Variants in FBXL7 observed in about 807,000 individuals in gnomAD.
FBXL7 encodes F-box/LRR-repeat protein 7.
In FBXL7, 12 loss-of-function variants were observed where a neutral mutation model predicts 38.3. The observed-to-expected ratio is 0.31, with a 90% CI of 0.20 to 0.51. The LOEUF (loss-of-function observed/expected upper bound fraction) is 0.51, where lower values mean the gene tolerates loss of function less well. FBXL7 is among the 20% of genes least tolerant of loss of function. FBXL7 has a pLI of 0.98. For synonymous variants in FBXL7, 297 were observed against 300.9 expected (o/e 0.99, Z 0.13); for missense variants, 567 against 676.4 (o/e 0.84, Z 1.79).
At chr5:15,523,019 G>A (rs1737144192) in intron 1 of FBXL7, among the ~76,000 whole-genome samples, 1 of 152,180 alleles carries the variant, frequency 6.6e-6, no homozygotes, top group Non-Finnish European at 1.5e-5. Context: ...ATGTGTAAAT[G>A]AAATTTAACT....
At chr5:15,731,552 A>C (rs955976202) in intron 2 of FBXL7, among the ~76,000 whole-genome samples, 3 of 152,142 alleles carry the variant, frequency 2.0e-5, no homozygotes, top group African/African-American at 7.2e-5. Flanking sequence ...AAACCATATC[A>C]AGGGGAAGAA....
chr5:15,563,367 A>G (rs1738472142), intron 1 of FBXL7, among the ~76,000 whole-genome samples: 1 of 152,110 alleles, frequency 6.6e-6, no homozygotes, highest in Non-Finnish European at 1.5e-5. Flanking sequence ...TTGACCTTGC[A>G]TGGAAAGCAG....
At chr5:15,927,500 G>A (rs978723328) in intron 2 of FBXL7, among the ~76,000 whole-genome samples, 3 of 152,100 alleles carry the variant, frequency 2.0e-5, no homozygotes, top group Middle Eastern at 3.2e-3. Context: ...GGCCGGGCAC[G>A]CTGGCTCACA....
chr5:15,594,364 C>T (rs1399529103), intron 1 of FBXL7, among the ~76,000 whole-genome samples: 1 of 152,206 alleles, frequency 6.6e-6, no homozygotes, highest in Admixed American at 6.5e-5. Context: ...TGTATCTGTT[C>T]TGATCTTGGG....
At chr5:15,693,699 C>T (rs920674722) in intron 2 of FBXL7, among the ~76,000 whole-genome samples, 2 of 152,142 alleles carry the variant, frequency 1.3e-5, no homozygotes, top group Non-Finnish European at 2.9e-5. Flanking sequence ...AACACACTGG[C>T]AGAAGAACAC....
chr5:15,831,048 T>A (rs753344295), intron 2 of FBXL7, among the ~76,000 whole-genome samples: 7 of 152,200 alleles, frequency 4.6e-5, no homozygotes, highest in Non-Finnish European at 7.3e-5. Context: ...ATGGCGTCCT[T>A]ATCATCCATG....
At chr5:15,915,599 C>T (rs1158253147) in intron 2 of FBXL7, among the ~76,000 whole-genome samples, 1 of 152,132 alleles carries the variant, frequency 6.6e-6, no homozygotes, top group African/African-American at 2.4e-5. Context: ...GACCTTATTT[C>T]CAAATAAGGT....
intron 2 of FBXL7, among the ~76,000 whole-genome samples, chr5:15,777,332 A>G (rs141630891): frequency 3.3e-5 from 5 of 152,194 alleles, no homozygotes; most frequent in Admixed American, 3.3e-4. Flanking sequence ...ATATCAAATA[A>G]TGTAGCATTT....
intron 2 of FBXL7, among the ~76,000 whole-genome samples, chr5:15,668,368 T>TTGTGTGTGTGTGTG (rs148728974): frequency 1.6e-4 from 23 of 145,768 alleles, no homozygotes; most frequent in African/African-American, 5.5e-4. Flanking sequence ...ATATTTGTGT[T>TTGTGTGTGTGTGTG]TGTGTGTGTG....
chr5:15,707,618 G>A (rs2126639294), intron 2 of FBXL7, among the ~76,000 whole-genome samples: 2 of 152,290 alleles, frequency 1.3e-5, no homozygotes, highest in Middle Eastern at 3.4e-3. Flanking sequence ...ATCAGAGGAG[G>A]AGCAGAAGCT....
At chr5:15,563,402 G>A (rs1456280268) in intron 1 of FBXL7, among the ~76,000 whole-genome samples, 1 of 152,104 alleles carries the variant, frequency 6.6e-6, no homozygotes. Flanking sequence ...TTTATTTTCT[G>A]TGCGAAAGTT....
chr5:15,927,885 G>T lies in FBXL7; in HGVS notation c.128-5G>T, dbSNP rs1197946503. ...GATTAACCTTTGTTCTCTGTCCTTTGCCAGACTCCGACCTGAGCATGCGCA... is the reference window on the plus strand; with the variant it reads ...GATTAACCTTTGTTCTCTGTCCTTTTCCAGACTCCGACCTGAGCATGCGCA... On this transcript the variant is annotated splice_polypyrimidine_tract_variant and splice_region_variant and intron_variant, in intron 2 of 3. Coordinates refer to ENST00000504595, the MANE Select transcript of FBXL7 (RefSeq NM_012304.5). The T allele has an allele frequency of 1.3e-6, 2 of 1,515,304 alleles. No individual in the cohort carries two copies. The highest frequency in any genetic ancestry group is 1.8e-6 in the Non-Finnish European group (2 of 1,131,890). The allele number at this position is 1,515,304 out of a possible 1,614,324, so 93.9% of individuals were successfully genotyped here.
At chr5:15,751,490 C>T (rs1736153446) in intron 2 of FBXL7, among the ~76,000 whole-genome samples, 1 of 152,118 alleles carries the variant, frequency 6.6e-6, no homozygotes, top group Non-Finnish European at 1.5e-5. Context: ...ATTCAGAAAA[C>T]CCTTGGCTAT....
At chr5:15,722,930 C>CAAAAAAAAAAAAAA (rs1554017097) in intron 2 of FBXL7, among the ~76,000 whole-genome samples, 31 of 142,112 alleles carry the variant, frequency 2.2e-4, no homozygotes, top group African/African-American at 6.8e-4. Context: ...TCAAAAAAAA[C>CAAAAAAAAAAAAAA]AAAAAAAAAA....
intron 1 of FBXL7, among the ~76,000 whole-genome samples, chr5:15,607,660 G>A (rs1370803532): frequency 6.6e-6 from 1 of 152,182 alleles, no homozygotes; most frequent in African/African-American, 2.4e-5. Flanking sequence ...AAGGGAATGC[G>A]TGATAGGAAG....
In FBXL7 at chr5:15,571,859, C is replaced by T. The variant is rs112839842; in HGVS notation, c.38-44124C>T. ...TCAGGGAGGGCAGATAAAGTGACTG[C>T]GTGCATCATCTGGGGTAGTGGTGGG... is the stretch of plus-strand genomic sequence containing the variant. On this transcript the variant is annotated intron_variant, in intron 1 of 3. Transcript: ENST00000504595. 6.6e-3 allele frequency among the ~76,000 whole-genome samples: 1,003 copies of T among 152,174 alleles called. 9 individuals carry two copies. The highest frequency in any genetic ancestry group is 0.023 in the African/African-American group (937 of 41,526).
At chr5:15,675,959 C>A (rs1032940564) in intron 2 of FBXL7, among the ~76,000 whole-genome samples, 1 of 152,176 alleles carries the variant, frequency 6.6e-6, no homozygotes, top group Non-Finnish European at 1.5e-5. Flanking sequence ...GAGACAGGGT[C>A]ATTGTAGGTA....
At chr5:15,639,944 T>A (rs1741304627) in intron 2 of FBXL7, among the ~76,000 whole-genome samples, 1 of 152,098 alleles carries the variant, frequency 6.6e-6, no homozygotes, top group Non-Finnish European at 1.5e-5. Context: ...AGCTGTAGAC[T>A]GTAGAAAGGT....
chr5:15,745,823 G>T (rs985322720), intron 2 of FBXL7, among the ~76,000 whole-genome samples: 14 of 152,146 alleles, frequency 9.2e-5, no homozygotes, highest in Non-Finnish European at 1.6e-4. Context: ...ACTGTGTTCT[G>T]TATGATGGAA....
Sources: allele counts gnomAD v4.1 joint callset (sites outside exome capture counted in the v4.1 genomes callset), GRCh38; gene constraint gnomAD v4.1.1; transcripts MANE v1.5; gene names NCBI Gene and HGNC (gene_info 2026-07-23, HGNC 2026-07-21).